MAGI2: variants seen among roughly 807,000 people sequenced by gnomAD.
MAGI2 encodes the protein membrane associated guanylate kinase, WW and PDZ domain containing 2.
A neutral mutation model predicts 133.3 loss-of-function variants in MAGI2; 35 were observed. That is an observed-to-expected ratio of 0.26 (90% CI 0.20 to 0.35). MAGI2 has a LOEUF of 0.35. MAGI2 is among the 10% of genes least tolerant of loss of function. MAGI2 has a pLI of 1.00. For synonymous variants in MAGI2, 729 were observed against 710.6 expected (o/e 1.03, Z -0.41); for missense variants, 1,636 against 1,863.4 (o/e 0.88, Z 2.25).
intron 3 of MAGI2, among the ~76,000 whole-genome samples, chr7:78,523,395 C>T (rs1316585469): frequency 2.0e-5 from 3 of 152,026 alleles, no homozygotes; most frequent in Non-Finnish European, 4.4e-5. Flanking sequence ...AGGAGAATGG[C>T]GTGAACCTGG....
chr7:78,051,550 G>A (rs1473354524), intron 21 of MAGI2, among the ~76,000 whole-genome samples: 3 of 152,162 alleles, frequency 2.0e-5, no homozygotes, highest in African/African-American at 4.8e-5. Context: ...CCATTTCCAT[G>A]AGGTCAGGGC....
intron 6 of MAGI2, among the ~76,000 whole-genome samples, chr7:78,401,881 TC>T (rs1483133638): frequency 6.6e-6 from 1 of 152,030 alleles, no homozygotes; most frequent in Non-Finnish European, 1.5e-5. Context: ...CAACATTCTA[TC>T]CCTTTCTCCC....
At chr7:78,686,353 T>C (rs1431449944) in intron 2 of MAGI2, among the ~76,000 whole-genome samples, 2 of 152,140 alleles carry the variant, frequency 1.3e-5, no homozygotes, top group Non-Finnish European at 2.9e-5. Flanking sequence ...TTCACGTAAG[T>C]GTGGACCTCT....
intron 1 of MAGI2, among the ~76,000 whole-genome samples, chr7:79,447,485 A>G (rs866577000): frequency 2.0e-5 from 3 of 152,184 alleles, no homozygotes; most frequent in Non-Finnish European, 2.9e-5. Context: ...GCTTCAAGGT[A>G]GATGTTTCCA....
intron 21 of MAGI2, among the ~76,000 whole-genome samples, chr7:78,060,523 T>A (rs1563067943): frequency 6.6e-6 from 1 of 152,206 alleles, no homozygotes. Context: ...AGGAAGTATG[T>A]GGACACTGAT....
At chr7:78,184,843 A>T (rs192676327) in intron 13 of MAGI2, among the ~76,000 whole-genome samples, 382 of 152,332 alleles carry the variant, frequency 2.5e-3, no homozygotes, top group African/African-American at 8.5e-3. Flanking sequence ...CCTAATTTAA[A>T]ATCTTATTGA....
chr7:78,133,732 G>A (rs185405919), intron 17 of MAGI2, among the ~76,000 whole-genome samples: 174 of 152,306 alleles, frequency 1.1e-3, no homozygotes, highest in Non-Finnish European at 1.7e-3. Flanking sequence ...ACTGAGAAGC[G>A]TTTAGATTTT....
intron 2 of MAGI2, among the ~76,000 whole-genome samples, chr7:78,656,258 G>A (rs1385460313): frequency 1.3e-5 from 2 of 152,110 alleles, no homozygotes; most frequent in Non-Finnish European, 2.9e-5. Flanking sequence ...ACAATGAATA[G>A]AATGGTATTT....
chr7:79,440,596 T>C (rs1203175056), intron 1 of MAGI2, among the ~76,000 whole-genome samples: 1 of 152,098 alleles, frequency 6.6e-6, no homozygotes, highest in East Asian at 1.9e-4. Context: ...ATACTCCTTA[T>C]ATTGGTAAAG....
chr7:78,289,471 C>T (rs1796477360), intron 9 of MAGI2, among the ~76,000 whole-genome samples: 1 of 152,192 alleles, frequency 6.6e-6, no homozygotes, highest in Admixed American at 6.5e-5. Flanking sequence ...AACTCTACAT[C>T]TGATTGGTGT....
intron 2 of MAGI2, among the ~76,000 whole-genome samples, chr7:78,748,158 T>A (rs371202398): frequency 2.7e-5 from 4 of 149,426 alleles, no homozygotes; most frequent in South Asian, 2.1e-4. Context: ...CTTGAGGATT[T>A]AAAAAAAAAA....
chr7:78,835,552 G>A (rs1791547243), intron 2 of MAGI2, among the ~76,000 whole-genome samples: 1 of 152,174 alleles, frequency 6.6e-6, no homozygotes, highest in Non-Finnish European at 1.5e-5. Context: ...GTGAGAAGCA[G>A]ATGAGGTTGC....
At chr7:78,322,969 C>T (rs931656564) in intron 9 of MAGI2, among the ~76,000 whole-genome samples, 8 of 148,710 alleles carry the variant, frequency 5.4e-5, no homozygotes, top group African/African-American at 1.5e-4. Flanking sequence ...CTTGGAAGTC[C>T]TATAAAGAAA....
chr7:78,907,718 C>A (rs898004172), intron 2 of MAGI2, among the ~76,000 whole-genome samples: 2 of 152,068 alleles, frequency 1.3e-5, no homozygotes, highest in African/African-American at 4.8e-5. Context: ...TTTGGAATTA[C>A]CTATTTCCAC....
At chr7:78,991,558 G>A (rs565392475) in intron 2 of MAGI2, among the ~76,000 whole-genome samples, 19 of 150,672 alleles carry the variant, frequency 1.3e-4, no homozygotes, top group African/African-American at 3.9e-4. Context: ...ATAATCCTGG[G>A]ATACGTACTT....
intron 2 of MAGI2, among the ~76,000 whole-genome samples, chr7:78,698,735 A>T (rs544836098): frequency 6.6e-6 from 1 of 152,268 alleles, no homozygotes; most frequent in African/African-American, 2.4e-5. Flanking sequence ...GGGGAAGCCA[A>T]CACGTCCTTT....
chr7:78,788,633 G>T (rs181872187), intron 2 of MAGI2, among the ~76,000 whole-genome samples: 80 of 150,820 alleles, frequency 5.3e-4, no homozygotes, highest in Middle Eastern at 3.5e-3. Context: ...ATGACTCACA[G>T]ATGTGCAATC....
At chr7:79,318,614 T>C (rs942555525) in intron 1 of MAGI2, among the ~76,000 whole-genome samples, 6 of 152,226 alleles carry the variant, frequency 3.9e-5, no homozygotes, top group African/African-American at 1.2e-4. Flanking sequence ...ATATTAGGCA[T>C]GTGTTAAAAA....
chr7:78,259,039 C>T (rs798320), intron 9 of MAGI2, among the ~76,000 whole-genome samples: 48,260 of 151,956 alleles, frequency 0.32, 9,365 homozygotes, highest in African/African-American at 0.54. Flanking sequence ...CACAGTACTT[C>T]GTATTCTCAG....
Sources: allele counts gnomAD v4.1 joint callset (sites outside exome capture counted in the v4.1 genomes callset), GRCh38; gene constraint gnomAD v4.1.1; transcripts MANE v1.5; gene names NCBI Gene and HGNC (gene_info 2026-07-23, HGNC 2026-07-21).